SPATA6: variants seen among roughly 807,000 people sequenced by gnomAD.
The protein encoded by SPATA6 is spermatogenesis associated 6.
Under a neutral mutation model 65.3 loss-of-function variants are expected in SPATA6, and 56 were observed. The ratio of observed to expected loss-of-function variants is 0.86; its 90% CI spans 0.69 to 1.07. The LOEUF is 1.07. Ranked by LOEUF, SPATA6 falls within the 50% of genes least tolerant of loss-of-function variation. SPATA6 has a pLI of 0.00. For synonymous variants in SPATA6, 199 were observed against 213.2 expected (o/e 0.93, Z 0.58); for missense variants, 590 against 594.8 (o/e 0.99, Z 0.08).
At chr1:48,415,455 T>C (rs1164155614) in intron 3 of SPATA6, among the ~76,000 whole-genome samples, 1 of 152,166 alleles carries the variant, frequency 6.6e-6, no homozygotes, top group Non-Finnish European at 1.5e-5. Flanking sequence ...CACAGACAAC[T>C]TGATTTTGAT....
In SPATA6 at chr1:48,351,684, T is replaced by A. The variant is rs1367362183; in HGVS notation, c.1194+3986A>T. Among the ~76,000 whole-genome samples, 3 of 152,080 alleles carry A rather than the reference T, an allele frequency of 2.0e-5. No homozygotes were observed. In the South Asian group the frequency reaches 6.2e-4, roughly 31 times the overall value. ...TACAGATGGATTTAATTTGCTAATA[T>A]GTTGTTGGGAATTTTTGTATATACA... On this transcript the variant is annotated intron_variant, in intron 11 of 12. Transcript: ENST00000371847.
At chr1:48,270,613 C>T in the SPATA6 span, among the ~76,000 whole-genome samples, 1 of 150,164 alleles carries the variant, frequency 6.7e-6, no homozygotes, top group Admixed American at 6.6e-5. Flanking sequence ...TTGTGAAAAT[C>T]AAATAAAAAA....
intron 12 of SPATA6, among the ~76,000 whole-genome samples, chr1:48,304,474 A>G (rs994556243): frequency 1.3e-5 from 2 of 152,200 alleles, no homozygotes; most frequent in African/African-American, 4.8e-5. Context: ...TTATCTACCT[A>G]CATTAGAATT....
chr1:48,332,751 A>T (rs1645951604), intron 11 of SPATA6, among the ~76,000 whole-genome samples: 1 of 152,172 alleles, frequency 6.6e-6, no homozygotes, highest in African/African-American at 2.4e-5. Flanking sequence ...ATAACTTTCC[A>T]CCCCAAAGCA....
chr1:48,417,955 T>G (rs2148007001), intron 3 of SPATA6, among the ~76,000 whole-genome samples: 1 of 152,296 alleles, frequency 6.6e-6, no homozygotes, highest in Non-Finnish European at 1.5e-5. Flanking sequence ...TTCTCTGACC[T>G]CCTCAAAGCC....
the SPATA6 span, among the ~76,000 whole-genome samples, chr1:48,261,492 C>A: frequency 6.6e-6 from 1 of 152,014 alleles, no homozygotes; most frequent in African/African-American, 2.4e-5. Context: ...GGCAAACTTT[C>A]TAATGCTGAT....
chr1:48,322,082 GAC>G (rs1464561976), intron 11 of SPATA6, among the ~76,000 whole-genome samples: 1 of 151,972 alleles, frequency 6.6e-6, no homozygotes, highest in Non-Finnish European at 1.5e-5. Context: ...GGAAAAAAAA[GAC>G]AAAATTCTTC....
At chr1:48,334,899 C>G (rs1177861948) in intron 11 of SPATA6, among the ~76,000 whole-genome samples, 1 of 152,050 alleles carries the variant, frequency 6.6e-6, no homozygotes, top group African/African-American at 2.4e-5. Flanking sequence ...GGTCTTGGCC[C>G]CAAAGCTCCT....
At chr1:48,340,870 T>C (rs1040167697) in intron 11 of SPATA6, among the ~76,000 whole-genome samples, 1 of 152,108 alleles carries the variant, frequency 6.6e-6, no homozygotes, top group Non-Finnish European at 1.5e-5. Flanking sequence ...ACTATAAAAT[T>C]GTCAGATAAA....
chr1:48,292,736 T>C (rs1384179260), downstream of SPATA6, among the ~76,000 whole-genome samples: 2 of 152,378 alleles, frequency 1.3e-5, no homozygotes, highest in East Asian at 1.9e-4. Flanking sequence ...TAAGCAGTGC[T>C]TGCATGCACT....
chr1:48,293,819 C>A (rs752989415), downstream of SPATA6, among the ~76,000 whole-genome samples: 5 of 152,178 alleles, frequency 3.3e-5, no homozygotes, highest in Non-Finnish European at 5.9e-5. Flanking sequence ...CCCCAACCCC[C>A]ATATACACAC....
the SPATA6 span, among the ~76,000 whole-genome samples, chr1:48,282,064 A>G: frequency 6.6e-6 from 1 of 152,220 alleles, no homozygotes; most frequent in South Asian, 2.1e-4. Context: ...GACAAACCTG[A>G]CAAAAACAAG....
At chr1:48,448,804 A>G (rs932964722) in intron 3 of SPATA6, among the ~76,000 whole-genome samples, 1 of 152,358 alleles carries the variant, frequency 6.6e-6, no homozygotes, top group East Asian at 1.9e-4. Flanking sequence ...TACATATTAT[A>G]TAACTCTTTA....
chr1:48,302,809 A>G (rs1022647572), intron 12 of SPATA6, among the ~76,000 whole-genome samples: 4 of 152,076 alleles, frequency 2.6e-5, no homozygotes, highest in African/African-American at 7.2e-5. Context: ...AACTGTGGCT[A>G]TCTTCTCTCA....
intron 1 of SPATA6, among the ~76,000 whole-genome samples, chr1:48,469,197 T>C (rs1361478819): frequency 6.6e-6 from 1 of 152,152 alleles, no homozygotes; most frequent in African/African-American, 2.4e-5. Context: ...TATGTCAATT[T>C]ATTTTCAATT....
At chr1:48,436,176 C>T in intron 3 of SPATA6, 4 of 1,610,962 alleles carry the variant, frequency 2.5e-6, no homozygotes, top group African/African-American at 2.7e-5. Context: ...GATTTGACAA[C>T]TTGACTTCTG....
chr1:48,470,181 T>A (rs536377322), intron 1 of SPATA6, among the ~76,000 whole-genome samples: 1 of 152,326 alleles, frequency 6.6e-6, no homozygotes, highest in South Asian at 2.1e-4. Flanking sequence ...GAAATGTAGC[T>A]ATTCCTCCGA....
chr1:48,471,837 G>C, intron 1 of SPATA6, 121 bp downstream of exon 1: 4 of 1,221,282 alleles, frequency 3.3e-6, no homozygotes, highest in East Asian at 2.4e-5. Context: ...GCGTGAGGTC[G>C]ACGCTCCCTA....
chr1:48,280,781 T>A, the SPATA6 span, among the ~76,000 whole-genome samples: 5 of 152,164 alleles, frequency 3.3e-5, no homozygotes, highest in Admixed American at 6.5e-5. Flanking sequence ...CCATTCCTTC[T>A]GAAACTATTC....
Sources: allele counts gnomAD v4.1 joint callset (sites outside exome capture counted in the v4.1 genomes callset), GRCh38; gene constraint gnomAD v4.1.1; transcripts MANE v1.5; gene names NCBI Gene and HGNC (gene_info 2026-07-23, HGNC 2026-07-21).